The following KCNQ1 variants were observed in gnomAD, a reference collection of about 807,000 sequenced individuals.
KCNQ1 encodes potassium voltage-gated channel subfamily KQT member 1.
A neutral mutation model predicts 72.4 loss-of-function variants in KCNQ1; 49 were observed. The observed-to-expected ratio is 0.68, with a 90% CI of 0.54 to 0.86. The LOEUF is 0.86. KCNQ1 is among the 40% of genes least tolerant of loss of function. KCNQ1 has a pLI of 0.00. For synonymous variants in KCNQ1, 450 were observed against 412.6 expected (o/e 1.09, Z -1.10); for missense variants, 790 against 945.1 (o/e 0.84, Z 2.15).
At chr11:2,615,155 T>G in intron 10 of KCNQ1, 1 of 398,270 alleles carries the variant, frequency 2.5e-6, no homozygotes, top group Non-Finnish European at 4.4e-6. Flanking sequence ...TTTTTGATGC[T>G]ATTGTAAGTG....
chr11:2,825,625 G>A (rs754037935), intron 15 of KCNQ1, among the ~76,000 whole-genome samples: 2 of 152,252 alleles, frequency 1.3e-5, no homozygotes, highest in Non-Finnish European at 2.9e-5. Context: ...GGAACACAGG[G>A]GAAAGTATGT....
At chr11:2,753,842 C>T (rs994078228) in intron 11 of KCNQ1, among the ~76,000 whole-genome samples, 3 of 152,194 alleles carry the variant, frequency 2.0e-5, no homozygotes, top group African/African-American at 7.2e-5. Context: ...ATCTGAGGCT[C>T]ACTCCATTAC....
intron 11 of KCNQ1, among the ~76,000 whole-genome samples, chr11:2,755,273 T>C (rs941679764): frequency 6.6e-6 from 1 of 152,184 alleles, no homozygotes; most frequent in Non-Finnish European, 1.5e-5. Context: ...GTTGTTGTTG[T>C]ATGGTTTTGC....
chr11:2,599,516 A>T lies in KCNQ1; in HGVS notation c.1393+10662A>T, dbSNP rs967107431. On this transcript the variant is annotated intron_variant, in intron 10 of 15. Transcript: ENST00000155840. The surrounding 1 kb of genome is among the most constrained non-coding windows in gnomAD (Gnocchi z 4.7). ...ACCTGTTTCTATGTACAGAACTTTTATTTCTATGTGTTAACTTTCCAGGAT... is the reference window on the plus strand; with the variant it reads ...ACCTGTTTCTATGTACAGAACTTTTTTTTCTATGTGTTAACTTTCCAGGAT... 3.0e-4 allele frequency among the ~76,000 whole-genome samples: 45 copies of T among 152,080 alleles called. No homozygotes were observed. The highest frequency in any genetic ancestry group is 1.1e-3 in the African/African-American group (44 of 41,400).
At chr11:2,455,087 C>T (rs1331866963) in intron 1 of KCNQ1, among the ~76,000 whole-genome samples, 1 of 148,862 alleles carries the variant, frequency 6.7e-6, no homozygotes, top group Admixed American at 6.6e-5. Context: ...AATCCATGTA[C>T]AAAAATCAGC....
intron 6 of KCNQ1, among the ~76,000 whole-genome samples, chr11:2,574,767 G>T (rs1330957450): frequency 6.6e-6 from 1 of 152,210 alleles, no homozygotes; most frequent in African/African-American, 2.4e-5. Flanking sequence ...CTTCCAAAGT[G>T]CTGCAATGCT....
At chr11:2,765,071 C>T (rs1024517866) in intron 11 of KCNQ1, among the ~76,000 whole-genome samples, 4 of 152,108 alleles carry the variant, frequency 2.6e-5, no homozygotes, top group African/African-American at 4.8e-5. Context: ...TTTTTTTAAC[C>T]GCTTGAGATG....
In KCNQ1 at chr11:2,473,095, G is replaced by A. The variant is rs1008196063; in HGVS notation, c.386+27611G>A. Among the ~76,000 whole-genome samples, 1 of 152,124 alleles carries A rather than the reference G, an allele frequency of 6.6e-6. No homozygotes were observed. The highest frequency in any genetic ancestry group is 1.5e-5 in the Non-Finnish European group (1 of 68,014). ...CGCCTTCTGGGCAGAGTGGCACACA[G>A]GGTCCCACCCATCTCAAGTCCATGG... On this transcript the variant is annotated intron_variant, in intron 1 of 15. Coordinates refer to ENST00000155840, the MANE Select transcript of KCNQ1 (RefSeq NM_000218.3). This position sits in a 1 kb window ranked among gnomAD's most constrained non-coding sequence, Gnocchi z 6.0.
At chr11:2,583,887 G>A (rs981016277) in intron 7 of KCNQ1, among the ~76,000 whole-genome samples, 2 of 151,848 alleles carry the variant, frequency 1.3e-5, no homozygotes, top group South Asian at 4.1e-4. Context: ...GCCTGGAGAG[G>A]GCACTTCCAC....
Position 2,541,821 on chromosome 11 carries a change from C to T in KCNQ1, c.477+13803C>T, listed in dbSNP as rs1306777807. On this transcript the variant is annotated intron_variant, in intron 2 of 15. Coordinates refer to ENST00000155840, the MANE Select transcript of KCNQ1 (RefSeq NM_000218.3). The surrounding 1 kb of genome is among the most constrained non-coding windows in gnomAD (Gnocchi z 4.8). ...GAATTTGTAGTTTCTCCCCAGAGTT[C>T]ATGGAGCCCCTGTCAGAGGCGCTGA... Among the ~76,000 whole-genome samples the T allele has an allele frequency of 6.6e-6, 1 of 151,970 alleles. No homozygotes were observed. The highest frequency in any genetic ancestry group is 2.4e-5 in the African/African-American group (1 of 41,342).
rs940460335 is a variant in KCNQ1 at position 2,447,650 on chromosome 11, G to T, written c.386+2166G>T. Among the ~76,000 whole-genome samples, 2 of 152,190 alleles carry T rather than the reference G, an allele frequency of 1.3e-5. No homozygotes were observed. Among genetic ancestry groups the T allele is most frequent in the African/African-American group, 2.4e-5 (1 of 41,444 alleles). ...CTCACGAAATCAGGTCCAGCCTTGCGCCAGTCCAGCCTTGTGTTGCTGTAA... is the reference window on the plus strand; with the variant it reads ...CTCACGAAATCAGGTCCAGCCTTGCTCCAGTCCAGCCTTGTGTTGCTGTAA... On this transcript the variant is annotated intron_variant, in intron 1 of 15. Coordinates refer to ENST00000155840, the MANE Select transcript of KCNQ1 (RefSeq NM_000218.3). The surrounding 1 kb of genome is among the most constrained non-coding windows in gnomAD (Gnocchi z 7.6).
Position 2,611,127 on chromosome 11 carries a change from C to T in KCNQ1, c.1393+22273C>T, listed in dbSNP as rs1419218446. 2.5e-6 allele frequency: 1 copy of T among 398,236 alleles called. No homozygotes were observed. Among genetic ancestry groups the T allele is most frequent in the African/African-American group, 2.1e-5 (1 of 48,582 alleles). The allele number at this position is 398,236 out of a possible 1,614,324, so 24.7% of individuals were successfully genotyped here. On this transcript the variant is annotated intron_variant, in intron 10 of 15. Transcript: ENST00000155840. This position sits in a 1 kb window ranked among gnomAD's most constrained non-coding sequence, Gnocchi z 5.3. ...CTTCTGTTTATGATTTCTATTTCTT[C>T]CTGTTAAATTTTCCCTTTTGTCATT...
intron 1 of KCNQ1, among the ~76,000 whole-genome samples, chr11:2,465,800 A>G (rs1352995385): frequency 6.6e-6 from 1 of 152,200 alleles, no homozygotes; most frequent in Non-Finnish European, 1.5e-5. Flanking sequence ...AATGAATGGT[A>G]CAGATCCACG....
chr11:2,665,965 C>G, intron 11 of KCNQ1: 1 of 398,666 alleles, frequency 2.5e-6, no homozygotes, highest in Non-Finnish European at 4.4e-6. Flanking sequence ...CACACTGCAT[C>G]CCCAACTGCC....
rs1354904135 is a variant in KCNQ1 at position 2,725,787 on chromosome 11, G to GC, written c.1515-43052dup. Among the ~76,000 whole-genome samples the GC allele has an allele frequency of 1.6e-5, 1 of 61,458 alleles. No individual in the cohort carries two copies. Among genetic ancestry groups the GC allele is most frequent in the East Asian group, 4.4e-4 (1 of 2,268 alleles). The allele number at this position is 61,458 out of a possible 152,430, so 40.3% of individuals were successfully genotyped here. ...GCTATCTCCCCCAGGCCCCACCCCC[G>GC]CCCCCACCCAAAGCACAGGTCACCT... On this transcript the variant is annotated intron_variant, in intron 11 of 15. Transcript: ENST00000155840. This position sits in a 1 kb window ranked among gnomAD's most constrained non-coding sequence, Gnocchi z 7.2.
In KCNQ1 at chr11:2,450,822, A is replaced by G. The variant is rs116828695; in HGVS notation, c.386+5338A>G. Reference sequence around the variant, plus strand: ...GACCCTAGTCCAGGGGGCCGCTTTTACACGAGGCATCTGACCATGTGATAG... The same window carrying G: ...GACCCTAGTCCAGGGGGCCGCTTTTGCACGAGGCATCTGACCATGTGATAG... On this transcript the variant is annotated intron_variant, in intron 1 of 15. Transcript: ENST00000155840. This position sits in a 1 kb window ranked among gnomAD's most constrained non-coding sequence, Gnocchi z 7.9. Among the ~76,000 whole-genome samples, 1,342 of 152,266 alleles carry G rather than the reference A, an allele frequency of 8.8e-3. 28 individuals are homozygous for G. The highest frequency in any genetic ancestry group is 0.031 in the African/African-American group (1,272 of 41,528).
At chr11:2,556,077 A>G (rs1848065525) in intron 2 of KCNQ1, among the ~76,000 whole-genome samples, 1 of 152,164 alleles carries the variant, frequency 6.6e-6, no homozygotes, top group Admixed American at 6.5e-5. Context: ...TGAGGCTGTG[A>G]GGGAGTGTTC....
chr11:2,838,906 C>T (rs906740293), intron 15 of KCNQ1, among the ~76,000 whole-genome samples: 4 of 152,098 alleles, frequency 2.6e-5, no homozygotes, highest in Admixed American at 1.3e-4. Context: ...CTGTGCCCAC[C>T]GCCAGCACAA....
At chr11:2,744,986 A>ACTGATAGTC (rs1341770883) in intron 11 of KCNQ1, among the ~76,000 whole-genome samples, 2 of 151,982 alleles carry the variant, frequency 1.3e-5, no homozygotes, top group African/African-American at 4.8e-5. Context: ...CCCTCTTTGC[A>ACTGATAGTC]CTGATAGTCT....
Sources: gnomAD v4.1 joint callset for allele counts (sites outside exome capture counted in the v4.1 genomes callset) on GRCh38, gnomAD v4.1.1 for gene constraint, Gnocchi (gnomAD v3.1) non-coding constraint, MANE v1.5 for transcripts, NCBI Gene and HGNC (gene_info 2026-07-23, HGNC 2026-07-21) for gene names.